The following CENPS variants were observed in gnomAD, a reference collection of about 807,000 sequenced individuals.
The protein encoded by CENPS is FANCM associated histone fold protein 1.
A neutral mutation model predicts 17.9 loss-of-function variants in CENPS; 16 were observed. That is an observed-to-expected ratio of 0.90 (90% CI 0.61 to 1.36). The LOEUF is 1.36. Among genes scored for constraint, CENPS ranks in the 40% most tolerant of loss-of-function variants. CENPS has a pLI of 0.00. For synonymous variants in CENPS, 49 were observed against 55.8 expected (o/e 0.88, Z 0.54); for missense variants, 160 against 158.6 (o/e 1.01, Z -0.05).
intron 4 of CENPS, among the ~76,000 whole-genome samples, chr1:10,440,878 A>G (rs1401642779): frequency 2.2e-5 from 3 of 133,518 alleles, no homozygotes; most frequent in African/African-American, 4.9e-5. Context: ...AGACCCAGAG[A>G]TACTCTGGTC....
intron 1 of CENPS, 121 bp from the exon 2 acceptor site, chr1:10,433,721 A>G (rs1328673365): frequency 6.6e-7 from 1 of 1,513,808 alleles, no homozygotes; most frequent in Non-Finnish European, 8.8e-7. Flanking sequence ...CCACTCAGCC[A>G]TTATGGAAAG....
intron 4 of CENPS, 148 bp downstream of exon 4, chr1:10,440,561 C>T: frequency 9.2e-7 from 1 of 1,084,528 alleles, no homozygotes; most frequent in Non-Finnish European, 1.3e-6. Flanking sequence ...CTGTAATTTA[C>T]AGTCTTGCTT....
At chr1:10,440,632 T>TA (rs1640366663) in intron 4 of CENPS, among the ~76,000 whole-genome samples, 1 of 152,248 alleles carries the variant, frequency 6.6e-6, no homozygotes, top group African/African-American at 2.4e-5. Context: ...CTCTGGATTT[T>TA]ACAATTTGCC....
chr1:10,441,090 A>G (rs771122136), intron 4 of CENPS, among the ~76,000 whole-genome samples: 1 of 152,242 alleles, frequency 6.6e-6, no homozygotes, highest in Non-Finnish European at 1.5e-5. Flanking sequence ...GGAAGGGCTC[A>G]ATAAATAGTT....
intron 2 of CENPS, 54 bp from the exon 3 acceptor site, chr1:10,434,603 T>G: frequency 7.5e-6 from 12 of 1,600,934 alleles, no homozygotes; most frequent in Non-Finnish European, 1.0e-5. Flanking sequence ...TTTTTCTGCT[T>G]CTGAAATTAG....
chr1:10,437,808 G>T (rs1640237486), intron 3 of CENPS, among the ~76,000 whole-genome samples: 1 of 147,984 alleles, frequency 6.8e-6, no homozygotes, highest in African/African-American at 2.5e-5. Context: ...TGTCGCCCAG[G>T]CTGGAGAGCA....
intron 4 of CENPS, among the ~76,000 whole-genome samples, chr1:10,441,030 TTC>T (rs947957638): frequency 2.0e-5 from 3 of 152,216 alleles, no homozygotes; most frequent in Admixed American, 1.3e-4. Context: ...TGTCTCTTTG[TTC>T]TCTCTCCATC....
chr1:10,440,331 T>C lies in CENPS; in HGVS notation c.210-16T>C, dbSNP rs2124286412. The C allele has an allele frequency of 6.2e-7, 1 of 1,611,990 alleles. No homozygotes were observed. Among genetic ancestry groups the C allele is most frequent in the East Asian group, 2.2e-5 (1 of 44,800 alleles). ...ATACCAAACATTTTGGTGACTTGCT[T>C]CTGCCCTTTCTGCAGACATGCGAAA... is the stretch of plus-strand genomic sequence containing the variant. On this transcript the variant is annotated splice_polypyrimidine_tract_variant and intron_variant, in intron 3 of 4. Coordinates refer to ENST00000309048, the MANE Select transcript of CENPS (RefSeq NM_199294.3).
intron 1 of CENPS, among the ~76,000 whole-genome samples, chr1:10,431,935 G>GAT (rs1639937282): frequency 6.7e-6 from 1 of 150,192 alleles, no homozygotes; most frequent in African/African-American, 2.4e-5. Flanking sequence ...AATTAATTTT[G>GAT]ATAAAACTCT....
intron 4 of CENPS, among the ~76,000 whole-genome samples, chr1:10,441,553 A>G (rs1045342187): frequency 6.9e-6 from 1 of 145,760 alleles, no homozygotes; most frequent in African/African-American, 2.5e-5. Flanking sequence ...GGCTCAAATG[A>G]TCTGCTTGCC....
At chr1:10,430,801 C>G in intron 1 of CENPS, 1 of 1,353,578 alleles carries the variant, frequency 7.4e-7, no homozygotes, top group South Asian at 1.9e-5. Flanking sequence ...TCTAGGGGAG[C>G]GTGCGGGCGC....
At chr1:10,438,779 C>G (rs1640284973) in intron 3 of CENPS, among the ~76,000 whole-genome samples, 1 of 152,126 alleles carries the variant, frequency 6.6e-6, no homozygotes, top group Non-Finnish European at 1.5e-5. Context: ...TCGTTGTTTC[C>G]TAAACGCTTT....
intron 3 of CENPS, among the ~76,000 whole-genome samples, chr1:10,435,919 A>G (rs1039649209): frequency 6.6e-6 from 1 of 151,928 alleles, no homozygotes; most frequent in South Asian, 2.1e-4. Context: ...GAAATTAGAA[A>G]GAGCATGGTA....
intron 3 of CENPS, among the ~76,000 whole-genome samples, chr1:10,435,961 T>A (rs545070784): frequency 2.4e-3 from 358 of 148,880 alleles, no homozygotes; most frequent in Non-Finnish European, 4.1e-3. Flanking sequence ...TCTGTGTTTT[T>A]TAAAGTATAT....
intron 2 of CENPS, among the ~76,000 whole-genome samples, chr1:10,434,402 CAT>C (rs1188272695): frequency 6.6e-6 from 1 of 152,122 alleles, no homozygotes; most frequent in Non-Finnish European, 1.5e-5. Context: ...AAACCAAAGG[CAT>C]AGTCACAATT....
chr1:10,435,724 C>T (rs1378321523), intron 3 of CENPS, among the ~76,000 whole-genome samples: 2 of 151,080 alleles, frequency 1.3e-5, no homozygotes, highest in African/African-American at 4.9e-5. Context: ...TATACACACA[C>T]ACACACACAC....
chr1:10,440,217 C>A, intron 3 of CENPS, 130 bp from the exon 4 acceptor site: 1 of 1,219,720 alleles, frequency 8.2e-7, no homozygotes, highest in Non-Finnish European at 1.1e-6. Context: ...TTGCTTAATG[C>A]CCTTTATCTA....
chr1:10,440,028 G>A (rs1430362923), intron 3 of CENPS: 5 of 342,626 alleles, frequency 1.5e-5, no homozygotes, highest in Non-Finnish European at 2.6e-5. Context: ...TTTTTCTGTG[G>A]CCTTAGCTGT....
intron 3 of CENPS, among the ~76,000 whole-genome samples, chr1:10,436,282 A>T (rs547060789): frequency 1.3e-5 from 2 of 151,244 alleles, no homozygotes; most frequent in Non-Finnish European, 3.0e-5. Context: ...CCCGGCAAAC[A>T]GTTGATTTTC....
Sources: gnomAD v4.1 joint callset for allele counts (sites outside exome capture counted in the v4.1 genomes callset) on GRCh38, gnomAD v4.1.1 for gene constraint, MANE v1.5 for transcripts, NCBI Gene and HGNC (gene_info 2026-07-23, HGNC 2026-07-21) for gene names.